The following CYP46A1 variants were observed in gnomAD, a reference collection of about 807,000 sequenced individuals.
CYP46A1 encodes the protein cytochrome P450 family 46 subfamily A member 1.
CYP46A1 carries 20 observed loss-of-function variants against 63.3 expected under a neutral mutation model. The ratio of observed to expected loss-of-function variants is 0.32; its 90% CI spans 0.22 to 0.46. The LOEUF is 0.46. Ranked by LOEUF, CYP46A1 falls within the 20% of genes least tolerant of loss-of-function variation. The pLI is 1.00. For synonymous variants in CYP46A1, 268 were observed against 273.6 expected (o/e 0.98, Z 0.20); for missense variants, 445 against 670.8 (o/e 0.66, Z 3.72).
chr14:99,726,889 C>T lies in CYP46A1; in HGVS notation c.*162C>T, dbSNP rs1430978869. ...CGACCGCCTGCTTCACACCCCTCAG[C>T]GCTCCCTGTCGCCTGCGGACTCCAT... On this transcript the variant is annotated 3_prime_UTR_variant, in exon 15 of 15. Coordinates refer to ENST00000261835, the MANE Select transcript of CYP46A1 (RefSeq NM_006668.2). The T allele has an allele frequency of 3.7e-5, 20 of 541,962 alleles. No homozygotes were observed. The highest frequency in any genetic ancestry group is 1.4e-4 in the South Asian group (4 of 28,904). The allele number at this position is 541,962 out of a possible 1,614,324, so 33.6% of individuals were successfully genotyped here.
chr14:99,720,855 G>A (rs1055796922), intron 10 of CYP46A1, among the ~76,000 whole-genome samples: 10 of 151,982 alleles, frequency 6.6e-5, no homozygotes, highest in East Asian at 1.9e-4. Flanking sequence ...AAGCTGAGGC[G>A]GGCAGATCAC....
At chr14:99,699,971 CA>C in intron 4 of CYP46A1, 43 bp from the exon 5 acceptor site, 1 of 456,548 alleles carries the variant, frequency 2.2e-6, no homozygotes, top group Non-Finnish European at 3.9e-6. Context: ...AGTCGCTCCC[CA>C]CCCCCCACCC....
intron 3 of CYP46A1, 58 bp downstream of exon 3, chr14:99,691,919 G>C (rs898877389): frequency 1.3e-6 from 2 of 1,529,094 alleles, no homozygotes; most frequent in African/African-American, 1.4e-5. Flanking sequence ...GGTTGGGGGA[G>C]TGAAGCCTGG....
chr14:99,694,799 C>G (rs1595187056), intron 3 of CYP46A1, among the ~76,000 whole-genome samples: 1 of 152,162 alleles, frequency 6.6e-6, no homozygotes, highest in Admixed American at 6.5e-5. Context: ...CCACCCCCAG[C>G]CAATTTCTCC....
intron 3 of CYP46A1, among the ~76,000 whole-genome samples, chr14:99,692,567 T>C (rs1475417406): frequency 6.6e-6 from 1 of 150,762 alleles, no homozygotes; most frequent in East Asian, 2.0e-4. Context: ...CAGTGGCTCA[T>C]GCCTGTAATC....
intron 7 of CYP46A1, chr14:99,709,591 A>G (rs1422537832): frequency 6.6e-6 from 1 of 152,226 alleles, no homozygotes; most frequent in Admixed American, 6.5e-5. Context: ...TCAGGAGAAG[A>G]GATGGGCAAA....
chr14:99,720,508 G>A (rs1329463531), intron 10 of CYP46A1, among the ~76,000 whole-genome samples: 1 of 147,268 alleles, frequency 6.8e-6, no homozygotes, highest in Non-Finnish European at 1.5e-5. Flanking sequence ...TGCTAGGCTG[G>A]AGTGCAGTGG....
At chr14:99,707,752 G>C in intron 7 of CYP46A1, 74 bp downstream of exon 7, 1 of 1,268,790 alleles carries the variant, frequency 7.9e-7, no homozygotes, top group Non-Finnish European at 1.1e-6. Flanking sequence ...ACCTCCTTCA[G>C]TGATTTTTTT....
At chr14:99,719,660 T>C (rs756926942) in intron 10 of CYP46A1, among the ~76,000 whole-genome samples, 5 of 152,080 alleles carry the variant, frequency 3.3e-5, no homozygotes, top group South Asian at 2.1e-4. Context: ...ACTCATACAG[T>C]ATTTGTCTTT....
intron 3 of CYP46A1, 133 bp from the exon 4 acceptor site, chr14:99,699,333 G>A (rs770821822): frequency 2.3e-5 from 19 of 817,106 alleles, no homozygotes; most frequent in Non-Finnish European, 4.1e-5. Flanking sequence ...GATTGTGTGG[G>A]ATCATGCATG....
chr14:99,687,113 G>A (rs920966479), intron 1 of CYP46A1, among the ~76,000 whole-genome samples: 3 of 152,122 alleles, frequency 2.0e-5, no homozygotes, highest in African/African-American at 7.2e-5. Flanking sequence ...TCTACAGGAG[G>A]CCCTCCCTCA....
Position 99,726,751 on chromosome 14 carries a change from C to T in CYP46A1, c.*24C>T, listed in dbSNP as rs1566838871. On this transcript the variant is annotated 3_prime_UTR_variant, in exon 15 of 15. Coordinates refer to ENST00000261835, the MANE Select transcript of CYP46A1 (RefSeq NM_006668.2). ...GAGGGGGCCTCCAGGCAGGACGAGA[C>T]TCCTCGGGCAAGGGCCGTGCCCGCC... The T allele has an allele frequency of 6.7e-7, 1 of 1,490,670 alleles. No individual in the cohort carries two copies. The highest frequency in any genetic ancestry group is 9.0e-7 in the Non-Finnish European group (1 of 1,116,162). 92.3% of individuals were successfully genotyped at this position (1,490,670 alleles called of 1,614,324 possible).
intron 5 of CYP46A1, among the ~76,000 whole-genome samples, chr14:99,704,127 CACAG>C (rs2056654818): frequency 6.6e-6 from 1 of 152,190 alleles, no homozygotes. Flanking sequence ...AAAGTGCTTT[CACAG>C]ACATTTTTAT....
chr14:99,725,493 G>A lies in CYP46A1; in HGVS notation c.1265+14G>A. On this transcript the variant is annotated intron_variant, in intron 13 of 14. Transcript: ENST00000261835. The surrounding 1 kb of genome is among the most constrained non-coding windows in gnomAD (Gnocchi z 4.2). ...TGGAGCACCCAAGTAAGTCCCTCCT[G>A]GAGCTGCCCATGAGTGGGGCTGGCG... 3.1e-6 allele frequency: 5 copies of A among 1,605,210 alleles called. No individual in the cohort carries two copies. Among genetic ancestry groups the A allele is most frequent in the Non-Finnish European group, 4.3e-6 (5 of 1,171,886 alleles).
intron 1 of CYP46A1, among the ~76,000 whole-genome samples, chr14:99,685,132 T>C (rs2056481610): frequency 7.7e-6 from 1 of 130,470 alleles, no homozygotes; most frequent in Non-Finnish European, 1.6e-5. Context: ...TTAAATTAAA[T>C]GTGTCATTTC....
chr14:99,717,980 A>G, intron 9 of CYP46A1, 74 bp from the exon 10 acceptor site: 1 of 1,228,722 alleles, frequency 8.1e-7, no homozygotes, highest in Non-Finnish European at 1.2e-6. Context: ...ACTGGCTGGC[A>G]TAGAGGCAGG....
Position 99,706,732 on chromosome 14 carries a change from C to T in CYP46A1, c.529C>T (p.Pro177Ser). 2 of 1,613,646 alleles carry T rather than the reference C, an allele frequency of 1.2e-6. No individual in the cohort carries two copies. Among genetic ancestry groups the T allele is most frequent in the Non-Finnish European group, 1.7e-6 (2 of 1,179,986 alleles). ...AGAAGCCAAGGCAGATGGGCAGACCCCAGTGTCCATGCAGGACATGCTGAC... is the reference window on the plus strand; with the variant it reads ...AGAAGCCAAGGCAGATGGGCAGACCTCAGTGTCCATGCAGGACATGCTGAC... The part of the protein sequence containing the change: ...ILEAKADGQT[P>S]VSMQDMLTYT... The change falls in exon 6 of 15, where the codon CCA (proline) becomes TCA (serine). Residue 177 changes from proline (P) to serine (S), a missense_variant. Transcript: ENST00000261835.
intron 3 of CYP46A1, chr14:99,693,041 T>G (rs1013701343): frequency 6.6e-6 from 1 of 152,484 alleles, no homozygotes; most frequent in Non-Finnish European, 1.5e-5. Context: ...ATAGAGTTGG[T>G]GCCTCTGTTA....
At position 99,707,606 on chromosome 14, in the gene CYP46A1, C is replaced by T. The variant is rs769062361; in HGVS notation, c.621C>T (p.Ala207=). 3 of 1,613,996 alleles carry T rather than the reference C, an allele frequency of 1.9e-6. No homozygotes were observed. The East Asian group carries it at 6.7e-5, about 36-fold the overall frequency. Residue 207 remains alanine, a synonymous_variant, in exon 7 of 15, where the codon GCC becomes GCT. Coordinates refer to ENST00000261835, the MANE Select transcript of CYP46A1 (RefSeq NM_006668.2). ...FGMETSMLLG[A]QKPLSQAVKL... ...TGGAGACCAGTATGCTGCTGGGTGC[C>T]CAGAAGCCTCTGTCCCAGGCAGTGA... is the stretch of plus-strand genomic sequence containing the variant.
Sources: gnomAD v4.1 joint callset for allele counts (sites outside exome capture counted in the v4.1 genomes callset) on GRCh38, gnomAD v4.1.1 for gene constraint, Gnocchi (gnomAD v3.1) non-coding constraint, MANE v1.5 for transcripts, NCBI Gene and HGNC (gene_info 2026-07-23, HGNC 2026-07-21) for gene names.